The following SYTL5 variants were observed in gnomAD, a reference collection of about 807,000 sequenced individuals.
The protein encoded by SYTL5 is synaptotagmin like 5.
In SYTL5, 34 loss-of-function variants were observed where a neutral mutation model predicts 55.9. That is an observed-to-expected ratio of 0.61 (90% CI 0.46 to 0.81). SYTL5 has a LOEUF of 0.81. SYTL5 is among the 30% of genes least tolerant of loss of function. The probability of loss-of-function intolerance (pLI) is 0.00; values close to 1 mark genes in which losing one functional copy is unlikely to be tolerated. For missense variants in SYTL5, 637 were observed against 546.7 expected (o/e 1.17, Z -1.65); for synonymous variants, 221 against 188.7 (o/e 1.17, Z -1.40).
chrX:38,015,480 C>A (rs936908850), intron 1 of SYTL5, among the ~76,000 whole-genome samples: 2 of 111,579 alleles, frequency 1.8e-5, no homozygotes, highest in Non-Finnish European at 3.8e-5. Flanking sequence ...AACTTAGTTT[C>A]TGTAACATAG....
At chrX:37,986,576 T>A in the SYTL5 span, among the ~76,000 whole-genome samples, 2 of 112,205 alleles carry the variant, frequency 1.8e-5, 1 homozygote, top group South Asian at 7.4e-4. Context: ...AGTTTTTACT[T>A]CTTCTTTCTT....
chrX:37,903,224 C>T, the SYTL5 span, among the ~76,000 whole-genome samples: 1 of 110,342 alleles, frequency 9.1e-6, no homozygotes, highest in Non-Finnish European at 1.9e-5. Flanking sequence ...GATTATAAAT[C>T]ATGCTGCTAT....
At chrX:37,921,423 C>T in the SYTL5 span, among the ~76,000 whole-genome samples, 1 of 110,859 alleles carries the variant, frequency 9.0e-6, no homozygotes, top group Non-Finnish European at 1.9e-5. Flanking sequence ...ATTGTGCTAC[C>T]AAGAATCCCA....
chrX:38,039,483 G>A (rs1006766955), intron 2 of SYTL5, among the ~76,000 whole-genome samples: 5 of 111,901 alleles, frequency 4.5e-5, no homozygotes, highest in African/African-American at 6.5e-5. Context: ...TAACATGTAC[G>A]TGGGTCATAA....
At chrX:38,018,941 C>T (rs986585340) in intron 1 of SYTL5, among the ~76,000 whole-genome samples, 5 of 112,121 alleles carry the variant, frequency 4.5e-5, no homozygotes, top group African/African-American at 1.6e-4. Context: ...GTCTACCTGA[C>T]CTTTCCCCTG....
At chrX:38,114,922 A>G (rs1372440649) in intron 13 of SYTL5, among the ~76,000 whole-genome samples, 1 of 111,518 alleles carries the variant, frequency 9.0e-6, no homozygotes. Flanking sequence ...TTAGATTTAT[A>G]TCTATTTTAG....
At chrX:38,025,055 A>G (rs1934713882) in intron 1 of SYTL5, among the ~76,000 whole-genome samples, 1 of 111,855 alleles carries the variant, frequency 8.9e-6, no homozygotes, top group Non-Finnish European at 1.9e-5. Context: ...AGTCTTGTGG[A>G]CTGCTGTGCT....
the SYTL5 span, among the ~76,000 whole-genome samples, chrX:37,989,158 A>T: frequency 8.9e-6 from 1 of 111,864 alleles, no homozygotes; most frequent in Non-Finnish European, 1.9e-5. Flanking sequence ...CAAAGTATTC[A>T]ATCACATAGA....
the SYTL5 span, among the ~76,000 whole-genome samples, chrX:37,910,740 T>C: frequency 1.8e-5 from 2 of 111,932 alleles, no homozygotes; most frequent in Admixed American, 1.9e-4. Flanking sequence ...AAAAGCAGAT[T>C]GTTATGATCC....
intron 11 of SYTL5, among the ~76,000 whole-genome samples, chrX:38,108,224 G>T (rs4827086): frequency 0.13 from 14,651 of 111,282 alleles, 799 homozygotes; most frequent in Middle Eastern, 0.16. Flanking sequence ...CCTTGGATGT[G>T]TCAACTAATT....
At chrX:37,898,269 C>T in the SYTL5 span, among the ~76,000 whole-genome samples, 1 of 111,601 alleles carries the variant, frequency 9.0e-6, no homozygotes, top group Non-Finnish European at 1.9e-5. Context: ...CTCCCAATTG[C>T]CCCACCTCCT....
the SYTL5 span, among the ~76,000 whole-genome samples, chrX:37,900,341 G>A: frequency 8.9e-6 from 1 of 112,416 alleles, no homozygotes; most frequent in Middle Eastern, 4.6e-3. Flanking sequence ...CTACAAATGG[G>A]AGACAGAAAA....
At chrX:37,921,914 C>T in the SYTL5 span, among the ~76,000 whole-genome samples, 1 of 111,655 alleles carries the variant, frequency 9.0e-6, no homozygotes, top group African/African-American at 3.2e-5. Context: ...ATGAGTTGGA[C>T]GGAAAAGGAG....
intron 1 of SYTL5, among the ~76,000 whole-genome samples, chrX:38,023,090 C>G (rs189293292): frequency 8.7e-4 from 97 of 112,032 alleles, no homozygotes; most frequent in African/African-American, 2.7e-3. Flanking sequence ...CAACAATTAT[C>G]AATTTGTATT....
At chrX:38,047,788 C>A (rs1330059712) in intron 2 of SYTL5, among the ~76,000 whole-genome samples, 2 of 111,827 alleles carry the variant, frequency 1.8e-5, no homozygotes, top group East Asian at 5.6e-4. Context: ...GAATGCTTTG[C>A]TGCTTAGAAA....
chrX:37,906,369 A>T, the SYTL5 span: 2 of 112,037 alleles, frequency 1.8e-5, no homozygotes, highest in African/African-American at 6.5e-5. Flanking sequence ...GTACCTTCAC[A>T]TGTCCGAATG....
At chrX:37,968,967 T>C in the SYTL5 span, among the ~76,000 whole-genome samples, 5 of 112,117 alleles carry the variant, frequency 4.5e-5, no homozygotes, top group Admixed American at 9.4e-5. Context: ...TTACACCCTT[T>C]GGTTTTAAAT....
the SYTL5 span, among the ~76,000 whole-genome samples, chrX:37,961,706 T>C: frequency 8.9e-6 from 1 of 112,289 alleles, no homozygotes; most frequent in Non-Finnish European, 1.9e-5. Flanking sequence ...TATGACTGCA[T>C]TATTTTTCTT....
chrX:38,022,610 G>A (rs964410681), intron 1 of SYTL5, among the ~76,000 whole-genome samples: 2 of 111,871 alleles, frequency 1.8e-5, no homozygotes, highest in African/African-American at 6.5e-5. Flanking sequence ...CCTCCCTCTT[G>A]TAAGGATCAT....
Sources: allele counts gnomAD v4.1 joint callset (sites outside exome capture counted in the v4.1 genomes callset), GRCh38; gene constraint gnomAD v4.1.1; transcripts MANE v1.5; gene names NCBI Gene and HGNC (gene_info 2026-07-23, HGNC 2026-07-21).